Variants in PDE3B observed in about 807,000 individuals in gnomAD.
PDE3B encodes phosphodiesterase 3B.
In PDE3B, 66 loss-of-function variants were observed where a neutral mutation model predicts 116.8. That is an observed-to-expected ratio of 0.56 (90% CI 0.46 to 0.69). The LOEUF (loss-of-function observed/expected upper bound fraction) is 0.69. PDE3B is among the 30% of genes least tolerant of loss of function. PDE3B has a pLI of 0.00. For synonymous variants in PDE3B, 595 were observed against 533.6 expected (o/e 1.12, Z -1.59); for missense variants, 1,384 against 1,368.1 (o/e 1.01, Z -0.18).
intron 2 of PDE3B, among the ~76,000 whole-genome samples, chr11:14,783,530 G>T (rs1858096233): frequency 6.6e-6 from 1 of 151,994 alleles, no homozygotes; most frequent in Admixed American, 6.6e-5. Context: ...AACACCGCAT[G>T]TTCTTACTCA....
chr11:14,734,048 T>C (rs2133857062), intron 1 of PDE3B, among the ~76,000 whole-genome samples: 1 of 152,310 alleles, frequency 6.6e-6, no homozygotes, highest in East Asian at 1.9e-4. Context: ...CTTCCAAAAT[T>C]TAAATTAAAT....
chr11:14,805,127 A>G (rs1858881035), intron 5 of PDE3B, among the ~76,000 whole-genome samples: 1 of 152,194 alleles, frequency 6.6e-6, no homozygotes, highest in Non-Finnish European at 1.5e-5. Flanking sequence ...AAAGAAAGCA[A>G]ACAACAAATT....
intron 1 of PDE3B, among the ~76,000 whole-genome samples, chr11:14,715,542 C>T (rs953871038): frequency 6.6e-6 from 1 of 152,102 alleles, no homozygotes; most frequent in African/African-American, 2.4e-5. Context: ...GCAGTTCACT[C>T]ATGATTTGGC....
chr11:14,763,634 G>A (rs1235672100), intron 1 of PDE3B, among the ~76,000 whole-genome samples: 1 of 152,138 alleles, frequency 6.6e-6, no homozygotes, highest in South Asian at 2.1e-4. Flanking sequence ...AGAGGGAATC[G>A]AATCTACTAC....
chr11:14,668,825 A>T (rs1017888662), intron 1 of PDE3B, among the ~76,000 whole-genome samples: 1 of 151,968 alleles, frequency 6.6e-6, no homozygotes, highest in Non-Finnish European at 1.5e-5. Flanking sequence ...AAACACTACT[A>T]TGTCAAAAAG....
At chr11:14,838,071 T>C (rs1860112781) in intron 11 of PDE3B, among the ~76,000 whole-genome samples, 1 of 151,990 alleles carries the variant, frequency 6.6e-6, no homozygotes, top group Admixed American at 6.5e-5. Context: ...CGCCGCCTCC[T>C]GGGTTCATGC....
At chr11:14,796,018 C>T (rs1858540413) in intron 4 of PDE3B, among the ~76,000 whole-genome samples, 1 of 152,096 alleles carries the variant, frequency 6.6e-6, no homozygotes, top group Non-Finnish European at 1.5e-5. Flanking sequence ...AATGCTATCC[C>T]TCCTCTAGTC....
chr11:14,762,144 G>A (rs1341727830), intron 1 of PDE3B, among the ~76,000 whole-genome samples: 1 of 151,052 alleles, frequency 6.6e-6, no homozygotes, highest in Non-Finnish European at 1.5e-5. Flanking sequence ...CTGTCTCTAC[G>A]GATTTTATAC....
At chr11:14,697,406 T>G (rs1157714801) in intron 1 of PDE3B, among the ~76,000 whole-genome samples, 1 of 152,198 alleles carries the variant, frequency 6.6e-6, no homozygotes, top group Non-Finnish European at 1.5e-5. Flanking sequence ...TTTCATAAAC[T>G]AAGTGACTGT....
chr11:14,866,302 G>C (rs946405792), intron 14 of PDE3B, among the ~76,000 whole-genome samples: 12 of 152,262 alleles, frequency 7.9e-5, no homozygotes, highest in African/African-American at 9.6e-5. Context: ...TCCCACTTAT[G>C]AAAGTTTTAA....
At chr11:14,728,986 T>C (rs1250301192) in intron 1 of PDE3B, among the ~76,000 whole-genome samples, 2 of 152,140 alleles carry the variant, frequency 1.3e-5, no homozygotes, top group Non-Finnish European at 2.9e-5. Context: ...ACCATGCTCA[T>C]TGATGCATTG....
chr11:14,781,685 C>A (rs1017813927), intron 2 of PDE3B, among the ~76,000 whole-genome samples: 1 of 152,120 alleles, frequency 6.6e-6, no homozygotes, highest in East Asian at 1.9e-4. Flanking sequence ...CTATGTATGA[C>A]AAACCCACAG....
chr11:14,667,350 A>G (rs1418345052), intron 1 of PDE3B, among the ~76,000 whole-genome samples: 2 of 150,888 alleles, frequency 1.3e-5, no homozygotes, highest in South Asian at 2.1e-4. Context: ...CGAGTTAATG[A>G]GTGCAGCACA....
At chr11:14,683,401 T>A (rs940822424) in intron 1 of PDE3B, among the ~76,000 whole-genome samples, 4 of 152,148 alleles carry the variant, frequency 2.6e-5, no homozygotes, top group Non-Finnish European at 5.9e-5. Context: ...TGGTGAGCTT[T>A]GGTAGTTTGA....
At chr11:14,729,962 G>A (rs1291776675) in intron 1 of PDE3B, among the ~76,000 whole-genome samples, 1 of 152,120 alleles carries the variant, frequency 6.6e-6, no homozygotes, top group East Asian at 1.9e-4. Context: ...ATCACTGAGA[G>A]GGTTGTAGAA....
intron 12 of PDE3B, among the ~76,000 whole-genome samples, chr11:14,849,216 G>C (rs561688478): frequency 6.6e-6 from 1 of 152,324 alleles, no homozygotes; most frequent in South Asian, 2.1e-4. Context: ...TGACAAACCT[G>C]AGAAAAACAA....
chr11:14,778,462 C>T (rs1015755491), intron 2 of PDE3B, among the ~76,000 whole-genome samples: 3 of 152,126 alleles, frequency 2.0e-5, no homozygotes, highest in South Asian at 4.1e-4. Context: ...CCCTCTGAGA[C>T]GAAGCTTCCA....
chr11:14,688,824 G>A (rs1854965654), intron 1 of PDE3B, among the ~76,000 whole-genome samples: 1 of 152,170 alleles, frequency 6.6e-6, no homozygotes, highest in South Asian at 2.1e-4. Flanking sequence ...CTAGGCTGCA[G>A]TGCAGTGGCA....
chr11:14,704,417 T>C (rs1855469899), intron 1 of PDE3B, among the ~76,000 whole-genome samples: 1 of 151,812 alleles, frequency 6.6e-6, no homozygotes, highest in Admixed American at 6.6e-5. Flanking sequence ...CTTTTTCTTT[T>C]TGTTTTGTTT....
Sources: allele counts gnomAD v4.1 joint callset (sites outside exome capture counted in the v4.1 genomes callset), GRCh38; gene constraint gnomAD v4.1.1; transcripts MANE v1.5; gene names NCBI Gene and HGNC (gene_info 2026-07-23, HGNC 2026-07-21).